The following C2orf80 variants were observed in gnomAD, a reference collection of about 807,000 sequenced individuals.
The protein encoded by C2orf80 is uncharacterized protein C2orf80.
In C2orf80, 28 loss-of-function variants were observed where a neutral mutation model predicts 30.2. The ratio of observed to expected loss-of-function variants is 0.93; its 90% CI spans 0.69 to 1.27. The LOEUF (loss-of-function observed/expected upper bound fraction) is 1.27. Among genes scored for constraint, C2orf80 ranks in the 50% most tolerant of loss-of-function variants. C2orf80 has a pLI of 0.00. For missense variants in C2orf80, 220 were observed against 231.0 expected (o/e 0.95, Z 0.31); for synonymous variants, 80 against 76.4 (o/e 1.05, Z -0.24).
chr2:208,183,244 A>C (rs144565400), intron 3 of C2orf80, among the ~76,000 whole-genome samples, 197 bp from the exon 4 acceptor site: 7 of 151,496 alleles, frequency 4.6e-5, no homozygotes. Context: ...ACAGGGATGA[A>C]TCAGCCAGAA....
At chr2:208,166,513 T>C (rs1695892536) in intron 8 of C2orf80, among the ~76,000 whole-genome samples, 1 of 152,238 alleles carries the variant, frequency 6.6e-6, no homozygotes. Flanking sequence ...TTGTAGGATA[T>C]TATTTTGAAT....
chr2:208,185,189 C>T (rs374217092), intron 2 of C2orf80, among the ~76,000 whole-genome samples, 157 bp from the exon 3 acceptor site: 89 of 151,416 alleles, frequency 5.9e-4, no homozygotes, highest in African/African-American at 2.1e-3. Context: ...TTGGTTTACA[C>T]GACAATTCTA....
In C2orf80 at chr2:208,179,392, G is replaced by A. The variant is rs1369652879; in HGVS notation, c.366+1353C>T. The stretch of plus-strand genomic sequence containing the variant: ...TGACCTGCAGTAAAAGAATAAGGGA[G>A]GCAGGCATTCCTGTGGCCACAGCCT... On this transcript the variant is annotated intron_variant, in intron 6 of 8. Transcript: ENST00000341287. Among the ~76,000 whole-genome samples, 3 of 152,222 alleles carry A rather than the reference G, an allele frequency of 2.0e-5. 1 individual carries two copies. In the East Asian group the frequency reaches 5.8e-4, roughly 29 times the overall value.
At chr2:208,176,934 TA>T (rs1696337701) in intron 6 of C2orf80, among the ~76,000 whole-genome samples, 1 of 90,234 alleles carries the variant, frequency 1.1e-5, no homozygotes, top group Admixed American at 9.5e-5. Context: ...TACATATGTA[TA>T]CATATCTGTA....
intron 1 of C2orf80, among the ~76,000 whole-genome samples, chr2:208,188,895 G>A (rs141741650): frequency 2.0e-5 from 3 of 152,162 alleles, no homozygotes; most frequent in Non-Finnish European, 4.4e-5. Context: ...TCCCTACAGA[G>A]TCAATGGGGA....
intron 6 of C2orf80, among the ~76,000 whole-genome samples, chr2:208,176,429 G>A (rs576590316): frequency 1.3e-5 from 2 of 152,334 alleles, no homozygotes; most frequent in East Asian, 3.9e-4. Flanking sequence ...GCCCGCCTCG[G>A]CCTCCCAAAG....
At position 208,180,803 on chromosome 2, in the gene C2orf80, A is replaced by G. The variant is rs771740981; in HGVS notation, c.308T>C (p.Ile103Thr). The change falls in exon 6 of 9, where the codon ATT becomes ACT. Residue 103 changes from isoleucine (I) to threonine (T), a missense_variant. Coordinates refer to ENST00000341287, the MANE Select transcript of C2orf80 (RefSeq NM_001099334.3). ...YAGILMNSIP[I>T]EEVFKIYGAD... is the part of the protein sequence containing the mutation. The stretch of plus-strand genomic sequence containing the variant: ...CCCATAAATTTTAAAGACTTCCTCA[A>G]TCGGGATACTGTTCTGTTAAACAAC... 9.9e-6 allele frequency: 16 copies of G among 1,613,356 alleles called. No individual in the cohort carries two copies. The African/African-American group carries it at 1.9e-4, about 19-fold the overall frequency.
At chr2:208,179,449 G>C (rs1696478406) in intron 6 of C2orf80, among the ~76,000 whole-genome samples, 1 of 152,170 alleles carries the variant, frequency 6.6e-6, no homozygotes, top group African/African-American at 2.4e-5. Context: ...TCTGAATCCA[G>C]GTGGGGGCAG....
intron 4 of C2orf80, 48 bp from the exon 5 acceptor site, chr2:208,181,353 T>C (rs531494390): frequency 8.1e-7 from 1 of 1,237,390 alleles, no homozygotes; most frequent in East Asian, 2.3e-5. Flanking sequence ...CTTGTTCTTT[T>C]TGATGCCTGC....
At chr2:208,183,442 C>T (rs1239147604) in intron 3 of C2orf80, among the ~76,000 whole-genome samples, 1 of 152,080 alleles carries the variant, frequency 6.6e-6, no homozygotes, top group East Asian at 1.9e-4. Context: ...CTTTCTGGGC[C>T]TCAGTTTCCC....
chr2:208,183,904 T>C (rs565476298), intron 3 of C2orf80, among the ~76,000 whole-genome samples: 4 of 152,348 alleles, frequency 2.6e-5, no homozygotes, highest in South Asian at 4.1e-4. Context: ...CATTTGTCTA[T>C]CAAAATATTC....
intron 6 of C2orf80, among the ~76,000 whole-genome samples, chr2:208,174,916 C>G (rs1413870973): frequency 6.6e-6 from 1 of 152,200 alleles, no homozygotes; most frequent in Non-Finnish European, 1.5e-5. Context: ...TCAAATGGAG[C>G]TGAAGAATAT....
intron 8 of C2orf80, among the ~76,000 whole-genome samples, chr2:208,166,896 C>T (rs1468119327): frequency 2.6e-5 from 4 of 152,108 alleles, no homozygotes; most frequent in South Asian, 2.1e-4. Context: ...GTGATCCGCC[C>T]GCCTCGGCTT....
At chr2:208,175,218 G>A (rs868544756) in intron 6 of C2orf80, among the ~76,000 whole-genome samples, 3 of 151,032 alleles carry the variant, frequency 2.0e-5, no homozygotes, top group Non-Finnish European at 4.4e-5. Context: ...CCCCGGGGGG[G>A]GGGGGGGCGG....
Position 208,165,614 on chromosome 2 carries a change from T to TG in C2orf80, c.*192_*193insC. 1.6e-6 allele frequency: 1 copy of TG among 610,426 alleles called. No homozygotes were observed. The allele number at this position is 610,426 out of a possible 1,614,324, so 37.8% of individuals were successfully genotyped here. A position where few individuals can be genotyped will look rare whatever the true frequency, so the allele number is the denominator to read the frequency against. On this transcript the variant is annotated 3_prime_UTR_variant, in exon 9 of 9. Coordinates refer to ENST00000341287, the MANE Select transcript of C2orf80 (RefSeq NM_001099334.3). The stretch of plus-strand genomic sequence containing the variant: ...AGTAGCATAAGGTCACAGTTTTTTT[T>TG]TTTAAGAAAATGTAGCCATGCAATA...
Position 208,177,948 on chromosome 2 carries a change from C to A in C2orf80, c.366+2797G>T, listed in dbSNP as rs368803019. ...TATCCTGCCTCAGCCTCCCAAGTAG[C>A]TGAGATTACAGGCATGCACCACCAC... On this transcript the variant is annotated intron_variant, in intron 6 of 8. Transcript: ENST00000341287. Among the ~76,000 whole-genome samples the A allele has an allele frequency of 6.8e-4, 104 of 152,016 alleles. 4 individuals are homozygous for A. The South Asian group carries it at 0.02, about 30-fold the overall frequency.
At chr2:208,189,849 T>A in intron 1 of C2orf80, 104 bp downstream of exon 1, 1 of 685,370 alleles carries the variant, frequency 1.5e-6, no homozygotes, top group Non-Finnish European at 2.6e-6. Context: ...ATCTGCACAT[T>A]CCATGCAGGT....
In C2orf80 at chr2:208,176,909, G is replaced by GTA. The variant is rs369983428; in HGVS notation, c.366+3834_366+3835dup. Among the ~76,000 whole-genome samples, 10 of 51,784 alleles carry GTA rather than the reference G, an allele frequency of 1.9e-4. 1 individual carries two copies. The highest frequency in any genetic ancestry group is 3.7e-4 in the Non-Finnish European group (9 of 24,572). 34.0% of individuals were successfully genotyped at this position (51,784 alleles called of 152,430 possible). A position where few individuals can be genotyped will look rare whatever the true frequency, so the allele number is the denominator to read the frequency against. On this transcript the variant is annotated intron_variant, in intron 6 of 8. Transcript: ENST00000341287. ...TAGGTGTATATATATACATATCTGTGTATACATATCTGTATACATATGTAT... is the reference window on the plus strand; with the variant it reads ...TAGGTGTATATATATACATATCTGTGTATATACATATCTGTATACATATGTAT...
chr2:208,181,102 T>C, intron 5 of C2orf80, 116 bp downstream of exon 5: 1 of 789,092 alleles, frequency 1.3e-6, no homozygotes, highest in South Asian at 1.9e-5. Flanking sequence ...TTACTATCAA[T>C]AACTCCTAAA....
Sources: gnomAD v4.1 joint callset for allele counts (sites outside exome capture counted in the v4.1 genomes callset) on GRCh38, gnomAD v4.1.1 for gene constraint, MANE v1.5 for transcripts, NCBI Gene and HGNC (gene_info 2026-07-23, HGNC 2026-07-21) for gene names.